The following ENKUR variants were observed in gnomAD, a reference collection of about 807,000 sequenced individuals.
The protein encoded by ENKUR is enkurin.
Under a neutral mutation model 27.6 loss-of-function variants are expected in ENKUR, and 19 were observed. The ratio of observed to expected loss-of-function variants is 0.69; its 90% CI spans 0.48 to 1.01. The LOEUF (loss-of-function observed/expected upper bound fraction) is 1.01. Among genes scored for constraint, ENKUR ranks in the 50% least tolerant of loss-of-function variants. The pLI is 0.00. For synonymous variants in ENKUR, 117 were observed against 96.9 expected (o/e 1.21, Z -1.22); for missense variants, 312 against 310.5 (o/e 1.00, Z -0.04).
rs1390708429 is a variant in ENKUR at position 24,995,688 on chromosome 10, A to G, written c.405T>C (p.Asp135=). 1.9e-6 allele frequency: 3 copies of G among 1,613,946 alleles called. No individual in the cohort carries two copies. Among genetic ancestry groups the G allele is most frequent in the Non-Finnish European group, 2.5e-6 (3 of 1,180,010 alleles). ...TTGGAACTAGTCCTGAAGGCTCAAG[A>G]TCATGCTTGTCTCCAGTTCTTTTAT... ...YVDKRTGDKH[D]LEPSGLVPKY... is the part of the protein sequence containing the mutation. The change falls in exon 3 of 6, where the codon GAT becomes GAC. Residue 135 remains aspartate (D), a synonymous_variant. Coordinates refer to ENST00000331161, the MANE Select transcript of ENKUR (RefSeq NM_145010.4).
chr10:25,016,335 T>C (rs1285232641), upstream of ENKUR, among the ~76,000 whole-genome samples: 2 of 152,234 alleles, frequency 1.3e-5, no homozygotes, highest in African/African-American at 4.8e-5. Flanking sequence ...CCTTAAAAAC[T>C]GTGCTCTTTT....
chr10:24,994,776 C>A (rs1850007370), intron 3 of ENKUR, among the ~76,000 whole-genome samples: 1 of 152,066 alleles, frequency 6.6e-6, no homozygotes, highest in Non-Finnish European at 1.5e-5. Flanking sequence ...AATCCCAGCA[C>A]TTTGGGAGGC....
chr10:25,027,152 C>T (rs1366082501), intron 2 of ENKUR, among the ~76,000 whole-genome samples: 6 of 150,430 alleles, frequency 4.0e-5, no homozygotes, highest in South Asian at 2.1e-4. Context: ...GTCAGGAGTT[C>T]GAGACCAGCC....
At position 25,058,197 on chromosome 10, in the gene ENKUR, T is replaced by G. The variant is rs534991349; in HGVS notation, c.37+2915A>C. ...GTCCTCTATCACTCAATTTTTGGTG[T>G]TTTTGTTGTTGTTGTTTTGGCTTGG... On this transcript the variant is annotated intron_variant, in intron 2 of 5. Coordinates refer to the ENKUR transcript ENST00000615958. Among the ~76,000 whole-genome samples the G allele has an allele frequency of 3.7e-3, 565 of 152,068 alleles. 1 individual carries two copies. The highest frequency in any genetic ancestry group is 6.0e-3 in the Non-Finnish European group (411 of 67,974).
intron 4 of ENKUR, among the ~76,000 whole-genome samples, chr10:24,989,421 C>T (rs760107431): frequency 1.3e-5 from 2 of 152,200 alleles, no homozygotes; most frequent in Non-Finnish European, 2.9e-5. Context: ...CATGCCGTCA[C>T]TCTACATTTT....
upstream of ENKUR, among the ~76,000 whole-genome samples, chr10:25,017,456 CTT>C (rs1432981172): frequency 2.6e-5 from 4 of 152,134 alleles, no homozygotes; most frequent in East Asian, 5.8e-4. Context: ...AGAAAACACA[CTT>C]GAGTCTGGGT....
upstream of ENKUR, among the ~76,000 whole-genome samples, chr10:25,018,157 TG>T (rs1850646578): frequency 1.3e-5 from 2 of 152,228 alleles, no homozygotes; most frequent in Non-Finnish European, 2.9e-5. Flanking sequence ...GACCTCACTG[TG>T]GTATAGTTAG....
At chr10:25,056,102 A>C (rs1851253090) in intron 2 of ENKUR, among the ~76,000 whole-genome samples, 1 of 152,184 alleles carries the variant, frequency 6.6e-6, no homozygotes, top group South Asian at 2.1e-4. Flanking sequence ...TCCACTTTAC[A>C]AATGAGAAAA....
At chr10:25,061,316 A>G in exon 2 of ENKUR, 1 of 638,778 alleles carries the variant, frequency 1.6e-6, no homozygotes, top group South Asian at 1.9e-5. Flanking sequence ...CCGCTCCTCC[A>G]GCCGCCTGCT....
At chr10:25,020,388 GGTAACATAAT>G (rs757052308), upstream of ENKUR, among the ~76,000 whole-genome samples, 1 of 152,002 alleles carries the variant, frequency 6.6e-6, no homozygotes, top group Non-Finnish European at 1.5e-5. Flanking sequence ...ATAAGGTGAA[GGTAACATAAT>G]GTTTCCTTAC....
chr10:25,016,391 G>A (rs188383704), upstream of ENKUR, among the ~76,000 whole-genome samples: 5 of 152,340 alleles, frequency 3.3e-5, no homozygotes, highest in East Asian at 1.9e-4. Context: ...TAGTAGAGAC[G>A]GCAAAGCGCA....
intron 1 of ENKUR, among the ~76,000 whole-genome samples, chr10:25,006,081 A>G (rs1374112350): frequency 6.6e-6 from 1 of 152,218 alleles, no homozygotes; most frequent in African/African-American, 2.4e-5. Context: ...AATTACATAC[A>G]TGACTCTCAT....
intron 2 of ENKUR, among the ~76,000 whole-genome samples, chr10:25,055,123 A>G (rs1416245308): frequency 6.6e-6 from 1 of 152,186 alleles, no homozygotes; most frequent in Non-Finnish European, 1.5e-5. Flanking sequence ...CTGTTAAAAT[A>G]TCCTACAATT....
intron 2 of ENKUR, among the ~76,000 whole-genome samples, chr10:25,058,058 T>C (rs1042646358): frequency 1.8e-4 from 28 of 152,076 alleles, no homozygotes; most frequent in Admixed American, 1.3e-4. Flanking sequence ...GTGAGGTTGA[T>C]AGGAAGAAAG....
In ENKUR at chr10:24,995,631, A is replaced by T. The variant is rs1328551463; in HGVS notation, c.447+15T>A. On this transcript the variant is annotated intron_variant, in intron 3 of 5. Transcript: ENST00000331161. ...TTTGAATTTCAGCCCTCTTATTAAT[A>T]TACCACAAGGCTACCTTTTTATTGA... is the stretch of plus-strand genomic sequence containing the variant. 1.9e-6 allele frequency: 3 copies of T among 1,595,488 alleles called. No individual in the cohort carries two copies. The Admixed American group carries it at 5.3e-5, about 28-fold the overall frequency.
rs1849707458 is a variant in ENKUR at position 24,983,224 on chromosome 10, G to A, written c.*1146C>T. The A allele has an allele frequency of 6.6e-6, 1 of 152,142 alleles. No homozygotes were observed. The allele number at this position is 152,142 out of a possible 1,614,324, so 9.4% of individuals were successfully genotyped here. A position where few individuals can be genotyped will look rare whatever the true frequency, so the allele number is the denominator to read the frequency against. ...ATCAGGAAACTGAGATTTGGAGTTAGTTTGTTAAAGCAACTTAAGTTGCTT... is the reference window on the plus strand; with the variant it reads ...ATCAGGAAACTGAGATTTGGAGTTAATTTGTTAAAGCAACTTAAGTTGCTT... On this transcript the variant is annotated 3_prime_UTR_variant, in exon 6 of 6. Transcript: ENST00000331161.
At chr10:24,999,622 C>G (rs1850143986) in intron 1 of ENKUR, 76 bp from the exon 2 acceptor site, 2 of 1,291,124 alleles carry the variant, frequency 1.5e-6, no homozygotes, top group Non-Finnish European at 2.2e-6. Context: ...AAGTTTAAAT[C>G]TTACATTTTT....
intron 4 of ENKUR, among the ~76,000 whole-genome samples, chr10:24,985,910 A>T (rs1564333580): frequency 6.6e-6 from 1 of 152,176 alleles, no homozygotes. Context: ...GCTACAAAAA[A>T]TACAAAAAAT....
chr10:25,034,760 A>AT (rs1346000625), intron 2 of ENKUR, among the ~76,000 whole-genome samples: 1 of 152,098 alleles, frequency 6.6e-6, no homozygotes, highest in African/African-American at 2.4e-5. Context: ...ATTACAGCTT[A>AT]TTTTTTCACA....
Sources: allele counts gnomAD v4.1 joint callset (sites outside exome capture counted in the v4.1 genomes callset), GRCh38; gene constraint gnomAD v4.1.1; transcripts MANE v1.5; gene names NCBI Gene and HGNC (gene_info 2026-07-23, HGNC 2026-07-21).